LCORL: variants seen among roughly 807,000 people sequenced by gnomAD.
LCORL encodes ligand dependent nuclear receptor corepressor like, also known as ligand-dependent nuclear receptor corepressor-like protein.
LCORL carries 41 observed loss-of-function variants against 141.8 expected under a neutral mutation model. That is an observed-to-expected ratio of 0.29 (90% confidence interval 0.23 to 0.38). The LOEUF is 0.38. LCORL is among the 10% of genes least tolerant of loss of function. The pLI is 1.00. For synonymous variants in LCORL, 618 were observed against 694.1 expected (o/e 0.89, Z 1.72); for missense variants, 1,759 against 2,035.0 (o/e 0.86, Z 2.61).
rs1725465718 is a variant in LCORL, at chr4:18,021,031, GC to G, written c.154+566del. 6.6e-6 allele frequency among the ~76,000 whole-genome samples: 1 copy of G among 151,784 alleles called. No homozygotes were observed. The highest frequency in any genetic ancestry group is 1.5e-5 in the Non-Finnish European group (1 of 67,880). On this transcript the variant is annotated intron_variant, in intron 1 of 7. Transcript: ENST00000635767. This position sits in a 1 kb window ranked among gnomAD's most constrained non-coding sequence, Gnocchi z 5.5. Reference sequence around the variant, plus strand: ...TCGGACGACGCCCCCGCCGCCCCTCGCCCCCAGCCGGCCCATCAGCGGCCCC... The same window carrying G: ...TCGGACGACGCCCCCGCCGCCCCTCGCCCCAGCCGGCCCATCAGCGGCCCC...
chr4:17,920,444 G>A (rs565943468), intron 4 of LCORL, among the ~76,000 whole-genome samples: 8 of 152,218 alleles, frequency 5.3e-5, no homozygotes, highest in East Asian at 1.9e-4. Flanking sequence ...GCTGGTGGAG[G>A]GCTTTGCCTC....
chr4:17,909,001 A>G, intron 5 of LCORL, 93 bp downstream of exon 5: 1 of 1,179,020 alleles, frequency 8.5e-7, no homozygotes. Flanking sequence ...TTACATCCAA[A>G]ATAAATTTCC....
chr4:17,970,403 G>C (rs1715697516), intron 2 of LCORL, among the ~76,000 whole-genome samples: 1 of 152,158 alleles, frequency 6.6e-6, no homozygotes, highest in Admixed American at 6.6e-5. Context: ...GCTTCCAAGA[G>C]TATCTGAGCT....
chr4:17,861,790 A>G (rs1725047258), intron 7 of LCORL, among the ~76,000 whole-genome samples: 1 of 152,144 alleles, frequency 6.6e-6, no homozygotes, highest in African/African-American at 2.4e-5. Flanking sequence ...TATACCCTAA[A>G]TCATCTTTCT....
At chr4:17,854,466 A>G (rs757175182) in intron 7 of LCORL, among the ~76,000 whole-genome samples, 1 of 152,188 alleles carries the variant, frequency 6.6e-6, no homozygotes, top group African/African-American at 2.4e-5. Flanking sequence ...GCATTGAACC[A>G]TATTAGGTTA....
intron 1 of LCORL, among the ~76,000 whole-genome samples, chr4:17,996,282 C>A (rs1225399901): frequency 6.6e-6 from 1 of 151,972 alleles, no homozygotes; most frequent in Non-Finnish European, 1.5e-5. Context: ...TGATATGTAT[C>A]ATTTTATGCA....
chr4:17,903,073 A>G (rs1467087879), intron 5 of LCORL, among the ~76,000 whole-genome samples: 1 of 152,082 alleles, frequency 6.6e-6, no homozygotes, highest in East Asian at 1.9e-4. Flanking sequence ...GAAACGCCCT[A>G]AATGCAATGG....
intron 7 of LCORL, among the ~76,000 whole-genome samples, chr4:17,873,042 G>T (rs1056405919): frequency 3.9e-5 from 6 of 151,982 alleles, no homozygotes; most frequent in Non-Finnish European, 5.9e-5. Context: ...TAGTTACTTG[G>T]TTATATTTAT....
intron 4 of LCORL, among the ~76,000 whole-genome samples, chr4:17,953,618 G>T (rs1274319957): frequency 6.6e-6 from 1 of 152,124 alleles, no homozygotes; most frequent in African/African-American, 2.4e-5. Context: ...CTAGCATACT[G>T]CAGCTGTGAG....
At chr4:18,014,214 GGTTGA>G (rs1424749005) in intron 1 of LCORL, among the ~76,000 whole-genome samples, 3 of 152,060 alleles carry the variant, frequency 2.0e-5, no homozygotes, top group Admixed American at 1.3e-4. Context: ...CTATGAAAAA[GGTTGA>G]GTTGTCTAAA....
At chr4:17,933,277 C>T (rs1475914786) in intron 4 of LCORL, among the ~76,000 whole-genome samples, 1 of 152,092 alleles carries the variant, frequency 6.6e-6, no homozygotes, top group Non-Finnish European at 1.5e-5. Context: ...ACATGTTCCA[C>T]TATTTTGTTT....
rs549500325 is a variant in LCORL, at chr4:18,000,036, C to A, written c.154+21562G>T. Among the ~76,000 whole-genome samples the A allele has an allele frequency of 4.0e-5, 6 of 151,818 alleles. No individual in the cohort carries two copies. The South Asian group carries it at 8.3e-4, about 21-fold the overall frequency. The stretch of plus-strand genomic sequence containing the variant: ...CTTTTAGCACAATTTGACAATAACA[C>A]ATTTTAAGGTAACTCTGCACATCTA... On this transcript the variant is annotated intron_variant, in intron 1 of 7. Coordinates refer to ENST00000635767, the Ensembl canonical transcript of LCORL.
chr4:17,882,313 G>GA, intron 6 of LCORL: 1 of 984,590 alleles, frequency 1.0e-6, no homozygotes, highest in South Asian at 4.7e-5. Context: ...TTTTAACAGA[G>GA]AAAGGGGGCA....
At chr4:18,007,789 A>G (rs578099513) in intron 1 of LCORL, among the ~76,000 whole-genome samples, 4 of 152,326 alleles carry the variant, frequency 2.6e-5, no homozygotes, top group Admixed American at 2.6e-4. Flanking sequence ...ACAGAGGATG[A>G]AAGGATCTGT....
intron 4 of LCORL, among the ~76,000 whole-genome samples, chr4:17,931,267 A>T (rs1577457431): frequency 6.6e-6 from 1 of 152,016 alleles, no homozygotes; most frequent in African/African-American, 2.4e-5. Flanking sequence ...TTTTTCAAAG[A>T]ATCAGTATTT....
chr4:17,962,010 GA>G lies in LCORL; in HGVS notation c.322del (p.Ser108LeufsTer29). 6.2e-7 allele frequency: 1 copy of G among 1,605,808 alleles called. No homozygotes were observed. Among genetic ancestry groups the G allele is most frequent in the Non-Finnish European group, 8.5e-7 (1 of 1,174,552 alleles). ...CTCCTCTGTTGGTGTTGACTGTGAA[GA>G]ATCAAGAGATGGTATACAATCCTAA... On this transcript the variant is annotated frameshift_variant, in exon 4 of 8. Transcript: ENST00000635767. LOFTEE classifies it high-confidence loss of function.
intron 6 of LCORL, 36 bp from the exon 7 acceptor site, chr4:17,878,249 C>T (rs1440602032): frequency 1.7e-6 from 2 of 1,205,820 alleles, no homozygotes; most frequent in African/African-American, 3.1e-5. Flanking sequence ...TGAATTGCAG[C>T]AAAAATACCA....
chr4:17,889,504 A>ATACCC (rs1728776752), intron 5 of LCORL, among the ~76,000 whole-genome samples: 1 of 152,136 alleles, frequency 6.6e-6, no homozygotes, highest in Middle Eastern at 3.2e-3. Flanking sequence ...AATAGTTGCA[A>ATACCC]TACCATTAAG....
chr4:17,880,481 T>C (rs1478241649), intron 6 of LCORL: 23 of 939,924 alleles, frequency 2.4e-5, no homozygotes, highest in Non-Finnish European at 2.8e-5. Context: ...TTTAGTATGT[T>C]ACTATCCATT....
Sources: gnomAD v4.1 joint callset for allele counts (sites outside exome capture counted in the v4.1 genomes callset) on GRCh38, gnomAD v4.1.1 for gene constraint, Gnocchi (gnomAD v3.1) non-coding constraint, MANE v1.5 for transcripts, NCBI Gene and HGNC (gene_info 2026-07-23, HGNC 2026-07-21) for gene names.